Variants in LRRC7 observed in about 807,000 individuals in gnomAD.
The protein encoded by LRRC7 is leucine-rich repeat-containing protein 7.
In LRRC7, 23 loss-of-function variants were observed where a neutral mutation model predicts 175.7. The observed-to-expected ratio is 0.13, with a 90% CI of 0.09 to 0.19. The LOEUF (loss-of-function observed/expected upper bound fraction) is 0.19, where lower values mean the gene tolerates loss of function less well. Ranked by LOEUF, LRRC7 falls within the 10% of genes least tolerant of loss-of-function variation. LRRC7 has a pLI of 1.00. For synonymous variants in LRRC7, 685 were observed against 680.9 expected (o/e 1.01, Z -0.09); for missense variants, 1,354 against 1,904.7 (o/e 0.71, Z 5.38).
chr1:69,778,359 C>T (rs963167297), intron 3 of LRRC7, among the ~76,000 whole-genome samples: 1 of 152,184 alleles, frequency 6.6e-6, no homozygotes, highest in African/African-American at 2.4e-5. Flanking sequence ...TACCAGAATA[C>T]TAAACTATGT....
chr1:69,743,076 A>G (rs1451433469), intron 2 of LRRC7, among the ~76,000 whole-genome samples: 1 of 152,042 alleles, frequency 6.6e-6, no homozygotes, highest in Non-Finnish European at 1.5e-5. Flanking sequence ...GTAAAGTATG[A>G]ATATGCTTGG....
In LRRC7 at chr1:69,925,409, G is replaced by A. The variant is rs545118739; in HGVS notation, c.648-6098G>A. Among the ~76,000 whole-genome samples, 30 of 152,212 alleles carry A rather than the reference G, an allele frequency of 2.0e-4. No individual in the cohort carries two copies. The East Asian group carries it at 4.6e-3, about 24-fold the overall frequency. ...CCTCCTTGTAGCTCTGGTAGAATTC[G>A]GCTGTGAATCCATCTGGTCCTGGAC... is the stretch of plus-strand genomic sequence containing the variant. On this transcript the variant is annotated intron_variant, in intron 7 of 26. Coordinates refer to ENST00000651989, the MANE Select transcript of LRRC7 (RefSeq NM_001370785.2).
At chr1:69,717,813 A>AG (rs1665620350) in intron 2 of LRRC7, among the ~76,000 whole-genome samples, 1 of 50,032 alleles carries the variant, frequency 2.0e-5, no homozygotes, top group African/African-American at 1.2e-4. Flanking sequence ...AAAGAAAGAA[A>AG]GAAAGAAAGA....
chr1:69,808,412 C>G (rs918591551), intron 4 of LRRC7, among the ~76,000 whole-genome samples: 1 of 151,906 alleles, frequency 6.6e-6, no homozygotes, highest in African/African-American at 2.4e-5. Context: ...CCAAGCGCAC[C>G]TAACAGACAT....
chr1:69,618,239 G>A (rs1045729861), intron 1 of LRRC7, among the ~76,000 whole-genome samples: 2 of 152,070 alleles, frequency 1.3e-5, no homozygotes, highest in Non-Finnish European at 2.9e-5. Flanking sequence ...CCTTTCTTGA[G>A]GGCTACCTAA....
chr1:69,743,184 A>C (rs1427742296), intron 2 of LRRC7, among the ~76,000 whole-genome samples: 1 of 152,064 alleles, frequency 6.6e-6, no homozygotes, highest in African/African-American at 2.4e-5. Flanking sequence ...TGTCTGTGTT[A>C]GTCAGGAATG....
In LRRC7 at chr1:69,652,272, T is replaced by A. The variant is rs903562448; in HGVS notation, c.3-26109T>A. On this transcript the variant is annotated intron_variant, in intron 1 of 26. Coordinates refer to ENST00000651989, the MANE Select transcript of LRRC7 (RefSeq NM_001370785.2). Reference sequence around the variant, plus strand: ...AACCCTATTCACAAACTGTTAGAACTAATATATCAGTTCAGCAAAGTTGCA... The same window carrying A: ...AACCCTATTCACAAACTGTTAGAACAAATATATCAGTTCAGCAAAGTTGCA... Among the ~76,000 whole-genome samples, 13 of 152,132 alleles carry A rather than the reference T, an allele frequency of 8.5e-5. No homozygotes were observed. In the East Asian group the frequency reaches 2.5e-3, roughly 29 times the overall value.
intron 1 of LRRC7, among the ~76,000 whole-genome samples, chr1:69,665,003 A>G (rs2100548621): frequency 6.6e-6 from 1 of 152,164 alleles, no homozygotes; most frequent in South Asian, 2.1e-4. Context: ...TAGGTGTCGA[A>G]TTTCATTTTT....
chr1:69,896,280 T>G (rs1480466602), intron 7 of LRRC7, among the ~76,000 whole-genome samples: 2 of 152,176 alleles, frequency 1.3e-5, no homozygotes, highest in East Asian at 3.8e-4. Flanking sequence ...CCTTAAATAT[T>G]TTTCTTTTGT....
chr1:69,608,812 GTC>G (rs558298354), intron 1 of LRRC7, among the ~76,000 whole-genome samples: 143 of 91,568 alleles, frequency 1.6e-3, no homozygotes, highest in African/African-American at 2.7e-3. Flanking sequence ...TGCTCTGTCT[GTC>G]TCTCTCTCTC....
At chr1:69,591,312 G>T (rs549683374) in intron 1 of LRRC7, among the ~76,000 whole-genome samples, 1 of 152,136 alleles carries the variant, frequency 6.6e-6, no homozygotes, top group South Asian at 2.1e-4. Flanking sequence ...ATACATTTTA[G>T]TTCAATTTGT....
intron 18 of LRRC7, among the ~76,000 whole-genome samples, chr1:70,029,612 A>G (rs996288803): frequency 1.3e-5 from 2 of 152,174 alleles, no homozygotes; most frequent in Non-Finnish European, 2.9e-5. Flanking sequence ...CTGTTCTTTT[A>G]TCTCAAAGAT....
At chr1:69,615,771 A>C (rs1446042319) in intron 1 of LRRC7, among the ~76,000 whole-genome samples, 1 of 152,060 alleles carries the variant, frequency 6.6e-6, no homozygotes, top group African/African-American at 2.4e-5. Context: ...TTAATGAAAA[A>C]TCACTACTTT....
chr1:69,836,309 A>C (rs1217894793), intron 6 of LRRC7, among the ~76,000 whole-genome samples: 1 of 152,076 alleles, frequency 6.6e-6, no homozygotes, highest in East Asian at 1.9e-4. Flanking sequence ...GCATCCAAAG[A>C]GCACTGTTTG....
rs1666525551 is a variant in LRRC7, at chr1:70,128,209, G to T, written c.*6322G>T. On this transcript the variant is annotated 3_prime_UTR_variant, in exon 27 of 27. Transcript: ENST00000651989. ...ACACCTGGCCTCAAAAGATCCACCT[G>T]CCTCGACCTCCCAAAGTGCTGGGAT... Among the ~76,000 whole-genome samples the T allele has an allele frequency of 6.6e-6, 1 of 152,162 alleles. No individual in the cohort carries two copies. The highest frequency in any genetic ancestry group is 1.5e-5 in the Non-Finnish European group (1 of 68,024).
intron 4 of LRRC7, among the ~76,000 whole-genome samples, chr1:69,801,665 AC>A (rs1014058812): frequency 1.3e-5 from 2 of 151,204 alleles, no homozygotes; most frequent in African/African-American, 4.8e-5. Context: ...TAAAGTACCA[AC>A]TTTTAATTTC....
intron 1 of LRRC7, among the ~76,000 whole-genome samples, chr1:69,630,883 A>C (rs1157314426): frequency 6.6e-6 from 1 of 152,138 alleles, no homozygotes; most frequent in Non-Finnish European, 1.5e-5. Context: ...CATGATGTAT[A>C]AGCAATTTTG....
chr1:69,757,463 A>G (rs532266662), intron 2 of LRRC7, among the ~76,000 whole-genome samples: 44 of 152,142 alleles, frequency 2.9e-4, no homozygotes, highest in Non-Finnish European at 4.9e-4. Flanking sequence ...ACACAACTGA[A>G]GAATTCCCAT....
intron 4 of LRRC7, among the ~76,000 whole-genome samples, chr1:69,805,305 A>C (rs1237721690): frequency 6.6e-6 from 1 of 151,782 alleles, no homozygotes; most frequent in Non-Finnish European, 1.5e-5. Flanking sequence ...ATATATGGGT[A>C]ATCAGTTAAA....
Sources: gnomAD v4.1 joint callset for allele counts (sites outside exome capture counted in the v4.1 genomes callset) on GRCh38, gnomAD v4.1.1 for gene constraint, MANE v1.5 for transcripts, NCBI Gene and HGNC (gene_info 2026-07-23, HGNC 2026-07-21) for gene names.